The following TRIM2 variants were observed in gnomAD, a reference collection of about 807,000 sequenced individuals.
The protein encoded by TRIM2 is tripartite motif containing 2, also known as tripartite motif-containing protein 2.
In TRIM2, 20 loss-of-function variants were observed where a neutral mutation model predicts 75.2. The ratio of observed to expected loss-of-function variants is 0.27; its 90% confidence interval spans 0.19 to 0.39. TRIM2 has a LOEUF of 0.39. TRIM2 is among the 10% of genes least tolerant of loss of function. The probability of loss-of-function intolerance (pLI) is 1.00; values close to 1 mark genes in which losing one functional copy is unlikely to be tolerated. For missense variants in TRIM2, 660 were observed against 990.8 expected (o/e 0.67, Z 4.48); for synonymous variants, 373 against 388.3 (o/e 0.96, Z 0.46).
At chr4:153,320,861 ACCT>A (rs1333034201) in intron 8 of TRIM2, among the ~76,000 whole-genome samples, 2 of 152,084 alleles carry the variant, frequency 1.3e-5, no homozygotes, top group African/African-American at 2.4e-5. Context: ...CGAACTCCTG[ACCT>A]CAAGTTATCC....
Position 153,339,009 on chromosome 4 carries a change from T to C in TRIM2, c.*4043T>C. On this transcript the variant is annotated 3_prime_UTR_variant, in exon 12 of 12. Transcript: ENST00000338700. ...ATTTTGTACATTCCATCTTTATAGGTCTGTTTCATATGTTTTATGTATAGA... is the reference window on the plus strand; with the variant it reads ...ATTTTGTACATTCCATCTTTATAGGCCTGTTTCATATGTTTTATGTATAGA... The C allele has an allele frequency of 1.0e-6, 1 of 985,480 alleles. No homozygotes were observed. The highest frequency in any genetic ancestry group is 1.2e-6 in the Non-Finnish European group (1 of 829,772). The allele number at this position is 985,480 out of a possible 1,614,324, so 61.0% of individuals were successfully genotyped here. A position where few individuals can be genotyped will look rare whatever the true frequency, so the allele number is the denominator to read the frequency against.
At chr4:153,276,205 A>C (rs759211406) in intron 3 of TRIM2, 75 bp downstream of exon 3, 6 of 1,231,544 alleles carry the variant, frequency 4.9e-6, no homozygotes, top group Non-Finnish European at 7.1e-6. Flanking sequence ...GGTACATCAG[A>C]GATTACAGAT....
intron 1 of TRIM2, among the ~76,000 whole-genome samples, chr4:153,221,968 A>AAGGAAGGAAAG (rs1740434293): frequency 9.8e-5 from 2 of 20,412 alleles, no homozygotes; most frequent in Non-Finnish European, 1.5e-4. Flanking sequence ...AAGAGGGAGG[A>AAGGAAGGAAAG]AGGGAGGAAG....
At chr4:153,197,596 A>G (rs1202193340) in intron 1 of TRIM2, among the ~76,000 whole-genome samples, 1 of 152,054 alleles carries the variant, frequency 6.6e-6, no homozygotes, top group African/African-American at 2.4e-5. Flanking sequence ...TATAAAAGAG[A>G]CCAAGTGGCT....
At position 153,336,600 on chromosome 4, in the gene TRIM2, T is replaced by TGA. The variant is rs1772482401; in HGVS notation, c.*1634_*1635insGA. The TGA allele has an allele frequency of 1.0e-6, 1 of 985,696 alleles. No individual in the cohort carries two copies. The highest frequency in any genetic ancestry group is 1.2e-6 in the Non-Finnish European group (1 of 829,928). 61.1% of individuals were successfully genotyped at this position (985,696 alleles called of 1,614,324 possible). A position where few individuals can be genotyped will look rare whatever the true frequency, so the allele number is the denominator to read the frequency against. The stretch of plus-strand genomic sequence containing the variant: ...ATTTTTGATAGTGACTTTGGGGTCT[T>TGA]CTTCACTGAAAGCACCTTAGAACTG... On this transcript the variant is annotated 3_prime_UTR_variant, in exon 12 of 12. Transcript: ENST00000338700.
intron 1 of TRIM2, among the ~76,000 whole-genome samples, chr4:153,251,006 C>T (rs546256839): frequency 1.1e-4 from 16 of 152,318 alleles, no homozygotes; most frequent in African/African-American, 3.8e-4. Flanking sequence ...CAGGCCACTT[C>T]TGGTGTGAAT....
chr4:153,241,317 C>G (rs1007078933), intron 1 of TRIM2, among the ~76,000 whole-genome samples: 2 of 152,230 alleles, frequency 1.3e-5, no homozygotes, highest in Admixed American at 6.5e-5. Context: ...GCAGGCTGGA[C>G]ACCCAGTCCT....
At chr4:153,202,715 A>AT (rs1218180217), upstream of TRIM2, among the ~76,000 whole-genome samples, 3 of 150,114 alleles carry the variant, frequency 2.0e-5, no homozygotes, top group Non-Finnish European at 4.4e-5. Flanking sequence ...AAAAAAAAAA[A>AT]GAAATCATAT....
chr4:153,275,661 A>G (rs2150060702), intron 2 of TRIM2, among the ~76,000 whole-genome samples: 3 of 152,374 alleles, frequency 2.0e-5, no homozygotes, highest in Middle Eastern at 6.8e-3. Flanking sequence ...AAGGCACTAG[A>G]AAACACTACA....
At chr4:153,187,806 A>G (rs144371193) in intron 1 of TRIM2, among the ~76,000 whole-genome samples, 82 of 152,236 alleles carry the variant, frequency 5.4e-4, no homozygotes, top group Non-Finnish European at 1.1e-3. Context: ...AGGTGTTTCA[A>G]TGGGGGATTC....
At chr4:153,326,419 T>C (rs764591123) in intron 10 of TRIM2, among the ~76,000 whole-genome samples, 1 of 152,228 alleles carries the variant, frequency 6.6e-6, no homozygotes, top group African/African-American at 2.4e-5. Flanking sequence ...ATAAGTTTTA[T>C]GGAATACTTG....
At chr4:153,190,841 A>G (rs1733109213) in intron 1 of TRIM2, among the ~76,000 whole-genome samples, 1 of 152,038 alleles carries the variant, frequency 6.6e-6, no homozygotes, top group Non-Finnish European at 1.5e-5. Flanking sequence ...GGTTTCACGC[A>G]ATTCTCCTGC....
chr4:153,278,945 G>T (rs1395151853), intron 3 of TRIM2, among the ~76,000 whole-genome samples: 1 of 152,190 alleles, frequency 6.6e-6, no homozygotes, highest in Admixed American at 6.5e-5. Flanking sequence ...ACACAGGTGG[G>T]CCTGAAAAGA....
chr4:153,274,294 T>C (rs1255329332), intron 2 of TRIM2, among the ~76,000 whole-genome samples: 1 of 152,184 alleles, frequency 6.6e-6, no homozygotes, highest in African/African-American at 2.4e-5. Context: ...TAGAAAGATA[T>C]GTAGGCATTT....
At chr4:153,279,796 A>G (rs1260795327) in intron 3 of TRIM2, among the ~76,000 whole-genome samples, 1 of 152,122 alleles carries the variant, frequency 6.6e-6, no homozygotes, top group Non-Finnish European at 1.5e-5. Context: ...TACAAAAATT[A>G]GCTGGGCATG....
At chr4:153,181,925 C>T (rs888306231) in intron 1 of TRIM2, among the ~76,000 whole-genome samples, 4 of 152,178 alleles carry the variant, frequency 2.6e-5, no homozygotes, top group African/African-American at 7.2e-5. Flanking sequence ...GGCAATGGAA[C>T]ACTTTGCTTT....
At chr4:153,176,262 T>C (rs1731424080) in intron 1 of TRIM2, among the ~76,000 whole-genome samples, 1 of 152,070 alleles carries the variant, frequency 6.6e-6, no homozygotes, top group South Asian at 2.1e-4. Flanking sequence ...GAGACCAGCC[T>C]GAGCAACACA....
intron 1 of TRIM2, chr4:153,156,609 A>G (rs976251046): frequency 1.3e-5 from 2 of 152,098 alleles, no homozygotes; most frequent in African/African-American, 4.8e-5. Flanking sequence ...AGGAGTATGG[A>G]TTGATCATAT....
intron 3 of TRIM2, among the ~76,000 whole-genome samples, chr4:153,282,894 T>A (rs1181719331): frequency 2.0e-5 from 3 of 152,016 alleles, no homozygotes; most frequent in African/African-American, 7.3e-5. Context: ...GCTCAAGTGA[T>A]CCTCCCACTT....
Sources: gnomAD v4.1 joint callset for allele counts (sites outside exome capture counted in the v4.1 genomes callset) on GRCh38, gnomAD v4.1.1 for gene constraint, MANE v1.5 for transcripts, NCBI Gene and HGNC (gene_info 2026-07-23, HGNC 2026-07-21) for gene names.